Variants in GPR55 observed in about 807,000 individuals in gnomAD.
GPR55 encodes G protein-coupled receptor 55, also known as G-protein coupled receptor 55.
GPR55 carries 6 observed loss-of-function variants against 7.9 expected under a neutral mutation model. That is an observed-to-expected ratio of 0.76 (90% CI 0.41 to 1.49). GPR55 has a LOEUF of 1.49. Ranked by LOEUF, GPR55 falls within the 40% of genes most tolerant of loss-of-function variation. The probability of loss-of-function intolerance (pLI) is 0.01; values close to 1 mark genes in which losing one functional copy is unlikely to be tolerated. For missense variants in GPR55, 376 were observed against 406.0 expected (o/e 0.93, Z 0.63); for synonymous variants, 183 against 166.8 (o/e 1.10, Z -0.75).
At chr2:230,917,587 C>T (rs1027174966) in intron 1 of GPR55, among the ~76,000 whole-genome samples, 2 of 152,110 alleles carry the variant, frequency 1.3e-5, no homozygotes, top group African/African-American at 4.8e-5. Flanking sequence ...GAGGGAGGAT[C>T]GTTTGAGCCC....
chr2:230,932,822 C>T (rs1691070324), intron 1 of GPR55, among the ~76,000 whole-genome samples: 1 of 152,306 alleles, frequency 6.6e-6, no homozygotes, highest in South Asian at 2.1e-4. Context: ...TCCATCAGGG[C>T]CTCAGTCTGC....
chr2:230,949,064 G>A (rs1244518629), intron 1 of GPR55, among the ~76,000 whole-genome samples: 3 of 152,198 alleles, frequency 2.0e-5, no homozygotes, highest in African/African-American at 7.2e-5. Flanking sequence ...CTGAGACCCT[G>A]TCTCAAAAAA....
intron 1 of GPR55, among the ~76,000 whole-genome samples, chr2:230,930,860 C>T (rs1691025542): frequency 6.6e-6 from 1 of 152,192 alleles, no homozygotes; most frequent in Non-Finnish European, 1.5e-5. Flanking sequence ...CCTATCTTCA[C>T]CCTTCTGTAG....
intron 1 of GPR55, among the ~76,000 whole-genome samples, chr2:230,949,453 C>T (rs551029315): frequency 2.0e-5 from 3 of 152,204 alleles, no homozygotes; most frequent in Middle Eastern, 3.2e-3. Flanking sequence ...TGAGCCACCG[C>T]GCCCATCCTG....
rs1690517945 is a variant in GPR55, at chr2:230,908,954, C to T, written c.*1049G>A. Reference sequence around the variant, plus strand: ...CCTCCCAGCTGCCAGGGAGGGACGGCTCCATGGGCAGTGCCACGGGTGCCA... The same window carrying T: ...CCTCCCAGCTGCCAGGGAGGGACGGTTCCATGGGCAGTGCCACGGGTGCCA... On this transcript the variant is annotated 3_prime_UTR_variant, in exon 2 of 2. Transcript: ENST00000650999. 1 of 152,324 alleles carries T rather than the reference C, an allele frequency of 6.6e-6. No individual in the cohort carries two copies. Among genetic ancestry groups the T allele is most frequent in the Non-Finnish European group, 1.5e-5 (1 of 68,134 alleles). 9.4% of individuals were successfully genotyped at this position (152,324 alleles called of 1,614,324 possible).
In GPR55 at chr2:230,938,910, C is replaced by T. The variant is rs928024462; in HGVS notation, c.-135+21865G>A. 5.7e-4 allele frequency among the ~76,000 whole-genome samples: 87 copies of T among 152,194 alleles called. 1 individual carries two copies. Among genetic ancestry groups the T allele is most frequent in the Admixed American group, 5.6e-3 (85 of 15,278 alleles). The stretch of plus-strand genomic sequence containing the variant: ...GGTAAACAACTCCAGGAGGGCCTGG[C>T]CTTTTAAAGAGCTCATTAAATATCG... On this transcript the variant is annotated intron_variant, in intron 1 of 1. Transcript: ENST00000392039.
chr2:230,957,321 A>G (rs1691506490), intron 1 of GPR55, among the ~76,000 whole-genome samples: 11 of 152,238 alleles, frequency 7.2e-5, no homozygotes, highest in Admixed American at 7.2e-4. Context: ...ATTTAGTAAA[A>G]TAAGGGTTCC....
intron 1 of GPR55, among the ~76,000 whole-genome samples, chr2:230,959,274 T>C (rs1054880309): frequency 2.6e-5 from 4 of 152,134 alleles, no homozygotes; most frequent in Non-Finnish European, 5.9e-5. Flanking sequence ...GGTGAAACCC[T>C]GTCTTTAGAA....
At chr2:230,914,029 T>C (rs1305155430) in intron 1 of GPR55, among the ~76,000 whole-genome samples, 1 of 152,182 alleles carries the variant, frequency 6.6e-6, no homozygotes, top group Non-Finnish European at 1.5e-5. Context: ...AGCTCAACAC[T>C]CAGAGGCCCT....
intron 1 of GPR55, among the ~76,000 whole-genome samples, chr2:230,913,300 C>T (rs182736756): frequency 1.3e-5 from 2 of 152,074 alleles, no homozygotes; most frequent in Admixed American, 1.3e-4. Flanking sequence ...ATTGGGCGCC[C>T]GTGGGAGGAA....
At chr2:230,956,973 A>G (rs1691492140) in intron 1 of GPR55, among the ~76,000 whole-genome samples, 1 of 151,174 alleles carries the variant, frequency 6.6e-6, no homozygotes, top group African/African-American at 2.4e-5. Context: ...GAAACTGCAG[A>G]GAGTACCAAG....
intron 1 of GPR55, among the ~76,000 whole-genome samples, chr2:230,941,086 C>T (rs898646693): frequency 2.0e-5 from 3 of 151,746 alleles, no homozygotes; most frequent in Admixed American, 1.3e-4. Context: ...CACTGCACTC[C>T]AGCCCGGGCG....
chr2:230,959,242 T>TG (rs1275601003), intron 1 of GPR55, among the ~76,000 whole-genome samples: 4 of 152,184 alleles, frequency 2.6e-5, no homozygotes, highest in Admixed American at 2.0e-4. Context: ...GCCCAGGAGT[T>TG]GGAGACCAGC....
intron 1 of GPR55, among the ~76,000 whole-genome samples, chr2:230,936,180 G>T (rs1337651440): frequency 6.6e-6 from 1 of 152,174 alleles, no homozygotes; most frequent in East Asian, 1.9e-4. Flanking sequence ...ATGTGAAGGA[G>T]CCTTGAAGGT....
chr2:230,936,605 T>C (rs987362345), intron 1 of GPR55, among the ~76,000 whole-genome samples: 1 of 152,194 alleles, frequency 6.6e-6, no homozygotes, highest in African/African-American at 2.4e-5. Flanking sequence ...AGCATGAGAA[T>C]GGACTGATAC....
At chr2:230,916,249 T>A (rs1374360715) in intron 1 of GPR55, among the ~76,000 whole-genome samples, 1 of 151,954 alleles carries the variant, frequency 6.6e-6, no homozygotes, top group Non-Finnish European at 1.5e-5. Flanking sequence ...TAGTAGAGTG[T>A]GGTGGCTCGT....
At chr2:230,951,650 A>G (rs1691404812) in intron 1 of GPR55, among the ~76,000 whole-genome samples, 3 of 152,124 alleles carry the variant, frequency 2.0e-5, no homozygotes, top group Non-Finnish European at 2.9e-5. Context: ...TACCATTCAC[A>G]ACTTAGAGTT....
intron 1 of GPR55, among the ~76,000 whole-genome samples, chr2:230,933,179 C>T (rs1307393925): frequency 6.0e-5 from 4 of 66,352 alleles, no homozygotes; most frequent in African/African-American, 8.0e-5. Flanking sequence ...TCCCCTGCCC[C>T]GCCCAGCTCC....
At chr2:230,929,691 G>A (rs970497251), upstream of GPR55, 8 of 152,244 alleles carry the variant, frequency 5.3e-5, no homozygotes, top group Non-Finnish European at 8.8e-5. Context: ...TTGGACAAAG[G>A]TGGTCTTCAA....
Sources: allele counts gnomAD v4.1 joint callset (sites outside exome capture counted in the v4.1 genomes callset), GRCh38; gene constraint gnomAD v4.1.1; transcripts MANE v1.5; gene names NCBI Gene and HGNC (gene_info 2026-07-23, HGNC 2026-07-21).